The following HPCAL1 variants were observed in gnomAD, a reference collection of about 807,000 sequenced individuals.
HPCAL1 encodes the protein hippocalcin-like protein 1.
Under a neutral mutation model 17.1 loss-of-function variants are expected in HPCAL1, and 8 were observed. The observed-to-expected ratio is 0.47, with a 90% CI of 0.27 to 0.84. The LOEUF (loss-of-function observed/expected upper bound fraction) is 0.84, where lower values mean the gene tolerates loss of function less well. HPCAL1 is among the 40% of genes least tolerant of loss of function. The pLI is 0.13. For synonymous variants in HPCAL1, 112 were observed against 111.4 expected, an observed-to-expected ratio of 1.01 and a Z score of -0.03; for missense variants, 165 against 271.1, an observed-to-expected ratio of 0.61 and a Z score of 2.75.
At chr2:10,374,963 C>T (rs960104208) in intron 1 of HPCAL1, among the ~76,000 whole-genome samples, 2 of 152,264 alleles carry the variant, frequency 1.3e-5, no homozygotes, top group East Asian at 3.9e-4. Context: ...GGTTGGGGGG[C>T]CGTGTCATGG....
intron 1 of HPCAL1, among the ~76,000 whole-genome samples, chr2:10,324,816 G>GTTTTTTTTTTTTTTTT (rs3036350): frequency 1.5e-5 from 1 of 66,388 alleles, no homozygotes; most frequent in Non-Finnish European, 2.5e-5. Flanking sequence ...TGGTTTTTGT[G>GTTTTTTTTTTTTTTTT]TTTTTTTTTT....
At chr2:10,403,561 G>A (rs548070910) in intron 2 of HPCAL1, among the ~76,000 whole-genome samples, 4 of 151,718 alleles carry the variant, frequency 2.6e-5, no homozygotes, top group Non-Finnish European at 5.9e-5. Context: ...TTGTCTCGCT[G>A]CAACCTCCGC....
Position 10,363,783 on chromosome 2 carries a change from T to C in HPCAL1, c.-110-33052T>C, listed in dbSNP as rs890613145. ...TTGTTTCGGATCTCCAGTCCTTGTG[T>C]GGGCTGCGTGACCTTGGATGAGTTA... On this transcript the variant is annotated intron_variant, in intron 1 of 4. Transcript: ENST00000307845. This position sits in a 1 kb window ranked among gnomAD's most constrained non-coding sequence, Gnocchi z 4.7. 2.0e-5 allele frequency among the ~76,000 whole-genome samples: 3 copies of C among 152,256 alleles called. No individual in the cohort carries two copies. The highest frequency in any genetic ancestry group is 4.4e-5 in the Non-Finnish European group (3 of 68,050).
intron 1 of HPCAL1, among the ~76,000 whole-genome samples, chr2:10,328,026 G>A (rs1664124901): frequency 6.6e-6 from 1 of 152,224 alleles, no homozygotes. Flanking sequence ...TGTTCATGGT[G>A]TAGCTGTTCA....
intron 1 of HPCAL1, chr2:10,369,365 G>A (rs376890775): frequency 6.6e-6 from 1 of 152,262 alleles, no homozygotes; most frequent in Non-Finnish European, 1.5e-5. Context: ...TCCAGCCCTT[G>A]AGGAATTCTC....
intron 1 of HPCAL1, among the ~76,000 whole-genome samples, chr2:10,360,233 C>T (rs1666437445): frequency 6.6e-6 from 1 of 152,170 alleles, no homozygotes; most frequent in African/African-American, 2.4e-5. Context: ...GAGCCTCATC[C>T]AAGAGAAAGA....
At chr2:10,326,300 C>T (rs900690355) in intron 1 of HPCAL1, among the ~76,000 whole-genome samples, 1 of 152,220 alleles carries the variant, frequency 6.6e-6, no homozygotes. Flanking sequence ...GGGCTACAGG[C>T]AGATATTGCC....
chr2:10,350,427 C>A (rs978996620), intron 1 of HPCAL1, among the ~76,000 whole-genome samples: 2 of 151,770 alleles, frequency 1.3e-5, no homozygotes, highest in African/African-American at 4.8e-5. Context: ...CCCCCCACCT[C>A]AGCCTCCTGA....
At chr2:10,379,320 C>T (rs13021624) in intron 1 of HPCAL1, among the ~76,000 whole-genome samples, 45,774 of 151,076 alleles carry the variant, frequency 0.3, 7,546 homozygotes, top group Non-Finnish European at 0.37. Context: ...TGAGGATGAG[C>T]GAGGTGTTGC....
rs1666628708 is a variant in HPCAL1 at position 10,363,212 on chromosome 2, T to C, written c.-110-33623T>C. 6.6e-6 allele frequency among the ~76,000 whole-genome samples: 1 copy of C among 152,228 alleles called. No individual in the cohort carries two copies. The highest frequency in any genetic ancestry group is 1.5e-5 in the Non-Finnish European group (1 of 68,042). ...GGTAGGCTTGAGATGGGAGGGTTGTTATTTTTTGTAAATGCATTAGGGGCG... is the reference window on the plus strand; with the variant it reads ...GGTAGGCTTGAGATGGGAGGGTTGTCATTTTTTGTAAATGCATTAGGGGCG... On this transcript the variant is annotated intron_variant, in intron 1 of 4. Coordinates refer to ENST00000307845, the MANE Select transcript of HPCAL1 (RefSeq NM_002149.4). The surrounding 1 kb of genome is among the most constrained non-coding windows in gnomAD (Gnocchi z 4.7).
chr2:10,314,865 C>T (rs1319429686), intron 1 of HPCAL1, among the ~76,000 whole-genome samples: 1 of 151,824 alleles, frequency 6.6e-6, no homozygotes, highest in Non-Finnish European at 1.5e-5. Flanking sequence ...TTGAAATTAG[C>T]ACATTAGCGG....
chr2:10,382,763 G>A (rs57790857), intron 1 of HPCAL1, among the ~76,000 whole-genome samples: 26,613 of 152,130 alleles, frequency 0.17, 2,979 homozygotes, highest in East Asian at 0.49. Flanking sequence ...GGGACCCAGT[G>A]AAGACCTCCT....
At position 10,377,796 on chromosome 2, in the gene HPCAL1, C is replaced by A; in HGVS notation, c.-110-19039C>A. ...CAGAAACATAAAGGGACACCAGAAT[C>A]CCCATCCCCATCCCCAGGGTGGTGA... is the stretch of plus-strand genomic sequence containing the variant. On this transcript the variant is annotated intron_variant, in intron 1 of 4. Coordinates refer to ENST00000307845, the MANE Select transcript of HPCAL1 (RefSeq NM_002149.4). The surrounding 1 kb of genome is among the most constrained non-coding windows in gnomAD (Gnocchi z 5.9). Among the ~76,000 whole-genome samples the A allele has an allele frequency of 6.6e-6, 1 of 152,096 alleles. No individual in the cohort carries two copies. The highest frequency in any genetic ancestry group is 1.5e-5 in the Non-Finnish European group (1 of 68,018).
At chr2:10,422,484 C>A (rs1416892123) in intron 3 of HPCAL1, among the ~76,000 whole-genome samples, 1 of 152,254 alleles carries the variant, frequency 6.6e-6, no homozygotes, top group Non-Finnish European at 1.5e-5. Flanking sequence ...CCTCGGCTGA[C>A]AGTGCCCTAA....
intron 2 of HPCAL1, among the ~76,000 whole-genome samples, chr2:10,410,653 A>G (rs1360896481): frequency 1.3e-5 from 2 of 151,616 alleles, no homozygotes; most frequent in African/African-American, 4.9e-5. Context: ...CGAGCAGGAG[A>G]TGGTTCTGCT....
chr2:10,404,102 G>T (rs971859070), intron 2 of HPCAL1, among the ~76,000 whole-genome samples: 2 of 152,164 alleles, frequency 1.3e-5, no homozygotes, highest in African/African-American at 4.8e-5. Flanking sequence ...TACATGCAGA[G>T]GTCACCAGCC....
In HPCAL1 at chr2:10,349,620, G is replaced by A. The variant is rs988998416; in HGVS notation, c.-111+46443G>A. ...CAGGAGGCTGAGGCAGGAGAATGGC[G>A]TGAACCTGGGAGGCGGAGCTTGCAG... On this transcript the variant is annotated intron_variant, in intron 1 of 4. Transcript: ENST00000307845. Among the ~76,000 whole-genome samples, 70 of 139,922 alleles carry A rather than the reference G, an allele frequency of 5.0e-4. No homozygotes were observed. The Middle Eastern group carries it at 0.015, about 30-fold the overall frequency. The allele number at this position is 139,922 out of a possible 152,430, so 91.8% of individuals were successfully genotyped here.
chr2:10,399,530 T>TCACCATCACC (rs1558518734), intron 2 of HPCAL1, among the ~76,000 whole-genome samples: 1 of 85,864 alleles, frequency 1.2e-5, no homozygotes, highest in Non-Finnish European at 2.3e-5. Flanking sequence ...CCACCGCCAC[T>TCACCATCACC]GCCACCGCCA....
At chr2:10,375,735 A>T (rs1457269103) in intron 1 of HPCAL1, among the ~76,000 whole-genome samples, 1 of 152,194 alleles carries the variant, frequency 6.6e-6, no homozygotes, top group Non-Finnish European at 1.5e-5. Flanking sequence ...TTGAAGGAAG[A>T]AGTGAAACCA....
Sources: gnomAD v4.1 joint callset for allele counts (sites outside exome capture counted in the v4.1 genomes callset) on GRCh38, gnomAD v4.1.1 for gene constraint, Gnocchi (gnomAD v3.1) non-coding constraint, MANE v1.5 for transcripts, NCBI Gene and HGNC (gene_info 2026-07-23, HGNC 2026-07-21) for gene names.